The following ZNF365 variants were observed in gnomAD, a reference collection of about 807,000 sequenced individuals.
ZNF365 encodes the protein protein ZNF365.
In ZNF365, 22 loss-of-function variants were observed where a neutral mutation model predicts 35.0. The ratio of observed to expected loss-of-function variants is 0.63; its 90% confidence interval spans 0.45 to 0.90. ZNF365 has a LOEUF of 0.90. Ranked by LOEUF, ZNF365 falls within the 40% of genes least tolerant of loss-of-function variation. The probability of loss-of-function intolerance (pLI) is 0.00; values close to 1 mark genes in which losing one functional copy is unlikely to be tolerated. For synonymous variants in ZNF365, 188 were observed against 196.2 expected (o/e 0.96, Z 0.35); for missense variants, 448 against 500.3 (o/e 0.90, Z 1.00).
chr10:62,454,098 G>A (rs1360095039), intron 3 of ZNF365, among the ~76,000 whole-genome samples: 1 of 152,022 alleles, frequency 6.6e-6, no homozygotes, highest in African/African-American at 2.4e-5. Flanking sequence ...GTACAACTCA[G>A]TGTCTCAGCT....
At chr10:62,464,368 T>C (rs932377336) in intron 4 of ZNF365, among the ~76,000 whole-genome samples, 1 of 152,254 alleles carries the variant, frequency 6.6e-6, no homozygotes, top group African/African-American at 2.4e-5. Flanking sequence ...AAGAGGATTG[T>C]AACTAAATCA....
exon 4 of ZNF365, chr10:62,459,769 T>C: frequency 6.2e-7 from 1 of 1,610,704 alleles, no homozygotes; most frequent in Non-Finnish European, 8.5e-7. Context: ...GAAGCTCGCC[T>C]GGTGTGCCAA....
intron 2 of ZNF365, among the ~76,000 whole-genome samples, chr10:62,381,973 A>G (rs571547166): frequency 1.3e-5 from 2 of 152,330 alleles, no homozygotes; most frequent in African/African-American, 2.4e-5. Flanking sequence ...CGACCATGGG[A>G]TGGTAAACCA....
At chr10:62,458,695 T>G (rs368054783) in intron 3 of ZNF365, among the ~76,000 whole-genome samples, 1 of 152,198 alleles carries the variant, frequency 6.6e-6, no homozygotes, top group Admixed American at 6.5e-5. Flanking sequence ...CACTTTATTA[T>G]TATTTTTTAA....
At chr10:62,440,221 G>A (rs1012256237) in intron 3 of ZNF365, among the ~76,000 whole-genome samples, 8 of 146,524 alleles carry the variant, frequency 5.5e-5, no homozygotes, top group African/African-American at 1.5e-4. Flanking sequence ...TCCTCTTCTT[G>A]TTTCTTTCTC....
intron 3 of ZNF365, among the ~76,000 whole-genome samples, chr10:62,445,684 G>C (rs1281391247): frequency 6.6e-6 from 1 of 152,036 alleles, no homozygotes; most frequent in Non-Finnish European, 1.5e-5. Context: ...TGGATACGTG[G>C]GATTTGTTAC....
chr10:62,390,857 GAGA>G (rs1169575550), intron 3 of ZNF365, among the ~76,000 whole-genome samples: 3 of 152,172 alleles, frequency 2.0e-5, no homozygotes, highest in Admixed American at 1.3e-4. Flanking sequence ...TAAACAGATA[GAGA>G]AGAAGAGAAG....
intron 2 of ZNF365, among the ~76,000 whole-genome samples, chr10:62,382,750 G>A (rs576419544): frequency 6.6e-6 from 1 of 152,336 alleles, no homozygotes; most frequent in African/African-American, 2.4e-5. Flanking sequence ...TTGCAGCCAA[G>A]CTCCCTGTGC....
intron 3 of ZNF365, among the ~76,000 whole-genome samples, chr10:62,457,622 G>A (rs996607709): frequency 1.3e-5 from 2 of 152,180 alleles, no homozygotes; most frequent in Non-Finnish European, 2.9e-5. Context: ...TTGAGTCTTT[G>A]GTGTTAGATA....
rs1051320902 is a variant in ZNF365 at position 62,401,930 on chromosome 10, G to A, written c.*2141G>A. ...TTATTATATTAAAATGTTTTTTTAC[G>A]TTCCCACTAAATTTTGACCCCATAT... On this transcript the variant is annotated 3_prime_UTR_variant, in exon 5 of 5. Transcript: ENST00000395254. 143 of 985,074 alleles carry A rather than the reference G, an allele frequency of 1.5e-4. No homozygotes were observed. Among genetic ancestry groups the A allele is most frequent in the African/African-American group, 1.2e-3 (67 of 57,124 alleles). The allele number at this position is 985,074 out of a possible 1,614,324, so 61.0% of individuals were successfully genotyped here.
At chr10:62,471,726 T>G (rs1395842080) in intron 4 of ZNF365, among the ~76,000 whole-genome samples, 1 of 152,234 alleles carries the variant, frequency 6.6e-6, no homozygotes, top group Admixed American at 6.5e-5. Context: ...CCTGCATTTT[T>G]TTAACATTCC....
chr10:62,435,992 T>A (rs1024830041), intron 3 of ZNF365, among the ~76,000 whole-genome samples: 2 of 152,220 alleles, frequency 1.3e-5, no homozygotes, highest in African/African-American at 4.8e-5. Flanking sequence ...ATGTAGGATT[T>A]CACACCTGAG....
intron 3 of ZNF365, among the ~76,000 whole-genome samples, chr10:62,432,849 TC>T (rs1187244787): frequency 1.3e-5 from 2 of 152,218 alleles, no homozygotes; most frequent in Non-Finnish European, 2.9e-5. Context: ...CACTTCTTTA[TC>T]TCAAATAATA....
chr10:62,418,304 A>T (rs926614902), intron 3 of ZNF365, among the ~76,000 whole-genome samples: 9 of 152,066 alleles, frequency 5.9e-5, no homozygotes, highest in African/African-American at 1.9e-4. Context: ...GAATTGAATA[A>T]GTTAGACGCA....
At chr10:62,474,882 G>GC (rs1402039022) in intron 4 of ZNF365, among the ~76,000 whole-genome samples, 24 of 152,328 alleles carry the variant, frequency 1.6e-4, no homozygotes, top group African/African-American at 5.8e-4. Context: ...TTTCTGACAT[G>GC]CTTAATTTCT....
At chr10:62,428,495 G>A (rs887657695) in intron 3 of ZNF365, among the ~76,000 whole-genome samples, 1 of 152,182 alleles carries the variant, frequency 6.6e-6, no homozygotes, top group African/African-American at 2.4e-5. Flanking sequence ...TGTGAAGAAG[G>A]ATGTGTTTGC....
rs184554322 is a variant in ZNF365 at position 62,381,239 on chromosome 10, G to A, written c.743+4303G>A. 5.1e-4 allele frequency among the ~76,000 whole-genome samples: 77 copies of A among 152,298 alleles called. 1 individual carries two copies. The East Asian group carries it at 0.014, about 28-fold the overall frequency. Reference sequence around the variant, plus strand: ...AGTGACCTTGAAGGGGCGGCAGGGAGGGCTGCTAGAGATGGCCCCTGAGTA... The same window carrying A: ...AGTGACCTTGAAGGGGCGGCAGGGAAGGCTGCTAGAGATGGCCCCTGAGTA... On this transcript the variant is annotated intron_variant, in intron 2 of 4. Transcript: ENST00000395254.
chr10:62,384,767 A>G (rs192202733), intron 2 of ZNF365, among the ~76,000 whole-genome samples: 67 of 152,372 alleles, frequency 4.4e-4, no homozygotes, highest in African/African-American at 1.5e-3. Context: ...GGGATCTGAA[A>G]CCATATCAGT....
rs141389294 is a variant in ZNF365, at chr10:62,397,229, C to T, written c.925-1511C>T. Among the ~76,000 whole-genome samples, 49 of 152,046 alleles carry T rather than the reference C, an allele frequency of 3.2e-4. 1 individual carries two copies. In the East Asian group the frequency reaches 8.7e-3, roughly 27 times the overall value. On this transcript the variant is annotated intron_variant, in intron 3 of 4. Transcript: ENST00000395254. Reference sequence around the variant, plus strand: ...GCTGAGTTCTGATTGTGTCAAAAGACAGAACACAAGAATCCTATCTTGTCT... The same window carrying T: ...GCTGAGTTCTGATTGTGTCAAAAGATAGAACACAAGAATCCTATCTTGTCT...
Sources: gnomAD v4.1 joint callset for allele counts (sites outside exome capture counted in the v4.1 genomes callset) on GRCh38, gnomAD v4.1.1 for gene constraint, MANE v1.5 for transcripts, NCBI Gene and HGNC (gene_info 2026-07-23, HGNC 2026-07-21) for gene names.